CNTN5: variants seen among roughly 807,000 people sequenced by gnomAD.
CNTN5 encodes the protein contactin 5.
In CNTN5, 77 loss-of-function variants were observed where a neutral mutation model predicts 129.1. That is an observed-to-expected ratio of 0.60 (90% confidence interval 0.50 to 0.72). The LOEUF (loss-of-function observed/expected upper bound fraction) is 0.72, where lower values mean the gene tolerates loss of function less well. Among genes scored for constraint, CNTN5 ranks in the 30% least tolerant of loss-of-function variants. The pLI, the probability that CNTN5 is intolerant of heterozygous loss-of-function variation, is 0.00. For missense variants in CNTN5, 1,478 were observed against 1,328.8 expected (o/e 1.11, Z -1.75); for synonymous variants, 509 against 465.6 (o/e 1.09, Z -1.20).
In CNTN5 at chr11:100,061,255, C is replaced by T; in HGVS notation, c.1024C>T (p.Pro342Ser). 6.2e-7 allele frequency: 1 copy of T among 1,613,480 alleles called. No individual in the cohort carries two copies. Residue 342 changes from proline to serine, a missense_variant, in exon 10 of 25, where the codon CCT becomes TCT. By Grantham distance (74) the Pro-to-Ser change is moderately conservative. Coordinates refer to ENST00000524871, the MANE Select transcript of CNTN5 (RefSeq NM_014361.4). ...ATGGATGAAGGTTAATGGTTATATT[C>T]CTAGTAAGGCACGTCTGCGGAAATC... ...ITWMKVNGYI[P>S]SKARLRKSQA...
Position 99,557,704 on chromosome 11 carries a change from T to A in CNTN5, c.55+1435T>A, listed in dbSNP as rs144881171. Among the ~76,000 whole-genome samples, 983 of 151,566 alleles carry A rather than the reference T, an allele frequency of 6.5e-3. 11 individuals carry two copies. Among genetic ancestry groups the A allele is most frequent in the African/African-American group, 0.022 (923 of 41,380 alleles). On this transcript the variant is annotated intron_variant, in intron 3 of 24. Coordinates refer to ENST00000524871, the MANE Select transcript of CNTN5 (RefSeq NM_014361.4). ...AAAGTATAACTTCAATTATGTATGA[T>A]ATATGAGTCTTCTTTATAACTGAAA...
At position 99,916,220 on chromosome 11, in the gene CNTN5, A is replaced by G. The variant is rs948872755; in HGVS notation, c.673+71A>G. Reference sequence around the variant, plus strand: ...CTATGTGTTCATTCTTTTAGACAGTATATTGATGGGAGAACATTTCAGGTG... The same window carrying G: ...CTATGTGTTCATTCTTTTAGACAGTGTATTGATGGGAGAACATTTCAGGTG... On this transcript the variant is annotated intron_variant, in intron 7 of 24. Coordinates refer to ENST00000524871, the MANE Select transcript of CNTN5 (RefSeq NM_014361.4). The G allele has an allele frequency of 2.6e-5, 31 of 1,175,050 alleles. 1 individual carries two copies. The Middle Eastern group carries it at 2.9e-3, about 110-fold the overall frequency. 72.8% of individuals were successfully genotyped at this position (1,175,050 alleles called of 1,614,324 possible). A position where few individuals can be genotyped will look rare whatever the true frequency, so the allele number is the denominator to read the frequency against.
At chr11:99,827,762 T>C (rs1947011769) in intron 4 of CNTN5, among the ~76,000 whole-genome samples, 2 of 152,030 alleles carry the variant, frequency 1.3e-5, no homozygotes, top group Non-Finnish European at 2.9e-5. Context: ...CTTTATACAA[T>C]TACTTTACCT....
intron 1 of CNTN5, among the ~76,000 whole-genome samples, chr11:99,207,932 A>G (rs1859565387): frequency 6.6e-6 from 1 of 152,190 alleles, no homozygotes; most frequent in Non-Finnish European, 1.5e-5. Flanking sequence ...TTTCAAATAT[A>G]TCTTTGTTAA....
At position 99,743,492 on chromosome 11, in the gene CNTN5, C is replaced by CCTGAAT. The variant is rs1319045374; in HGVS notation, c.56-76049_56-76044dup. On this transcript the variant is annotated intron_variant, in intron 3 of 24. Transcript: ENST00000524871. ...GTCGCCTGAACAAGTTATTAACCCTCCTGAATCTCAGTTTCTTTACCTATA... is the reference window on the plus strand; with the variant it reads ...GTCGCCTGAACAAGTTATTAACCCTCCTGAATCTGAATCTCAGTTTCTTTACCTATA... Among the ~76,000 whole-genome samples, 6 of 152,118 alleles carry CCTGAAT rather than the reference C, an allele frequency of 3.9e-5. No individual in the cohort carries two copies. In the East Asian group the frequency reaches 1.2e-3, roughly 29 times the overall value.
intron 6 of CNTN5, among the ~76,000 whole-genome samples, chr11:99,854,095 G>A (rs1033174838): frequency 6.6e-6 from 1 of 152,056 alleles, no homozygotes; most frequent in African/African-American, 2.4e-5. Flanking sequence ...AGTGAGCAAT[G>A]GACATATTAA....
chr11:99,964,958 A>G (rs930107792), intron 8 of CNTN5, among the ~76,000 whole-genome samples: 3 of 152,256 alleles, frequency 2.0e-5, no homozygotes, highest in African/African-American at 7.2e-5. Context: ...AGAGATGTTT[A>G]CAGTATTCTC....
At chr11:99,820,310 T>C (rs1008054052) in intron 4 of CNTN5, among the ~76,000 whole-genome samples, 1 of 152,292 alleles carries the variant, frequency 6.6e-6, no homozygotes, top group Non-Finnish European at 1.5e-5. Context: ...ATCGGAAACA[T>C]AAAACAGACC....
At chr11:99,240,257 C>T (rs959940212) in intron 1 of CNTN5, among the ~76,000 whole-genome samples, 2 of 151,432 alleles carry the variant, frequency 1.3e-5, no homozygotes, top group Admixed American at 1.3e-4. Flanking sequence ...AGTGTGGGGA[C>T]GAAATTAAGA....
chr11:99,769,817 A>G (rs1009065626), intron 3 of CNTN5, among the ~76,000 whole-genome samples: 1 of 147,996 alleles, frequency 6.8e-6, no homozygotes, highest in African/African-American at 2.6e-5. Flanking sequence ...CCCCGTCTCA[A>G]AAAAAAAAAA....
chr11:99,195,964 G>A (rs917364403), intron 1 of CNTN5, among the ~76,000 whole-genome samples: 1 of 151,900 alleles, frequency 6.6e-6, no homozygotes, highest in African/African-American at 2.4e-5. Flanking sequence ...CACTTTTTAA[G>A]TTAGTTATTT....
intron 8 of CNTN5, among the ~76,000 whole-genome samples, chr11:99,988,207 T>G (rs1283657086): frequency 1.3e-5 from 2 of 152,250 alleles, no homozygotes; most frequent in Non-Finnish European, 2.9e-5. Flanking sequence ...ACAGCAGGAA[T>G]GCTGGCATTC....
At chr11:100,206,616 C>T (rs1948917735) in intron 15 of CNTN5, among the ~76,000 whole-genome samples, 2 of 151,970 alleles carry the variant, frequency 1.3e-5, no homozygotes, top group African/African-American at 4.8e-5. Flanking sequence ...CTGTAACACT[C>T]AATTTTTAGG....
intron 1 of CNTN5, among the ~76,000 whole-genome samples, chr11:99,194,002 A>G (rs1057116594): frequency 6.6e-6 from 1 of 152,194 alleles, no homozygotes; most frequent in Non-Finnish European, 1.5e-5. Flanking sequence ...AACAGAATCA[A>G]TAACGTAATA....
intron 2 of CNTN5, among the ~76,000 whole-genome samples, chr11:99,350,817 A>T (rs1938244121): frequency 6.6e-6 from 1 of 152,080 alleles, no homozygotes; most frequent in Non-Finnish European, 1.5e-5. Context: ...TCGGTAGGGG[A>T]TGATTGAGAA....
intron 1 of CNTN5, among the ~76,000 whole-genome samples, chr11:99,160,768 C>T (rs546817421): frequency 2.0e-5 from 3 of 152,164 alleles, no homozygotes; most frequent in African/African-American, 7.2e-5. Flanking sequence ...CAGAATTTGA[C>T]CCAAGGAGTT....
At chr11:99,967,077 T>G (rs1951114204) in intron 8 of CNTN5, among the ~76,000 whole-genome samples, 1 of 152,100 alleles carries the variant, frequency 6.6e-6, no homozygotes, top group African/African-American at 2.4e-5. Context: ...TTGAAGTAAT[T>G]TGGTATTAGG....
intron 2 of CNTN5, among the ~76,000 whole-genome samples, chr11:99,349,234 A>G (rs143074525): frequency 9.9e-4 from 151 of 152,282 alleles, no homozygotes; most frequent in African/African-American, 3.3e-3. Flanking sequence ...AACAAGGGGA[A>G]GCTTTCCTGG....
chr11:99,957,081 T>TC (rs1487498492), intron 8 of CNTN5, 72 bp downstream of exon 8: 9 of 1,315,650 alleles, frequency 6.8e-6, no homozygotes, highest in Non-Finnish European at 9.4e-6. Context: ...AGTGTGTGTT[T>TC]TTTTTTTAAG....
Sources: allele counts gnomAD v4.1 joint callset (sites outside exome capture counted in the v4.1 genomes callset), GRCh38; gene constraint gnomAD v4.1.1; transcripts MANE v1.5; gene names NCBI Gene and HGNC (gene_info 2026-07-23, HGNC 2026-07-21).